FGFR4: variants seen among roughly 807,000 people sequenced by gnomAD.
FGFR4 encodes hydroxyaryl-protein kinase.
Under a neutral mutation model 89.9 loss-of-function variants are expected in FGFR4, and 63 were observed. That is an observed-to-expected ratio of 0.70 (90% CI 0.57 to 0.86). FGFR4 has a LOEUF of 0.86. FGFR4 is among the 40% of genes least tolerant of loss of function. FGFR4 has a pLI of 0.00. For missense variants in FGFR4, 928 were observed against 1,106.7 expected, an observed-to-expected ratio of 0.84 and a Z score of 2.29; for synonymous variants, 486 against 479.4, an observed-to-expected ratio of 1.01 and a Z score of -0.18.
At chr5:177,092,586 T>C in intron 7 of FGFR4, 60 bp from the exon 8 acceptor site, 1 of 1,571,340 alleles carries the variant, frequency 6.4e-7, no homozygotes, top group Admixed American at 1.7e-5. Context: ...CCAGCTTCCC[T>C]GTTGGCCACA....
At position 177,092,525 on chromosome 5, in the gene FGFR4, C is replaced by G. The variant is rs1470026892; in HGVS notation, c.918+14C>G. Reference sequence around the variant, plus strand: ...CAAGTCCTAAAGGTAAAAGGTGCACCCTGCTGCAGCCTGGGCCCCATTCTT... The same window carrying G: ...CAAGTCCTAAAGGTAAAAGGTGCACGCTGCTGCAGCCTGGGCCCCATTCTT... On this transcript the variant is annotated intron_variant, in intron 7 of 17. Transcript: ENST00000292408. 3.2e-6 allele frequency: 5 copies of G among 1,560,964 alleles called. No individual in the cohort carries two copies. The highest frequency in any genetic ancestry group is 1.2e-5 in the South Asian group (1 of 84,988).
Position 177,097,843 on chromosome 5 carries a change from C to T in FGFR4, c.*167C>T, listed in dbSNP as rs555817808. The T allele has an allele frequency of 1.3e-4, 100 of 750,958 alleles. No individual in the cohort carries two copies. Among genetic ancestry groups the T allele is most frequent in the Admixed American group, 3.1e-4 (10 of 32,194 alleles). The allele number at this position is 750,958 out of a possible 1,614,324, so 46.5% of individuals were successfully genotyped here. On this transcript the variant is annotated 3_prime_UTR_variant, in exon 18 of 18. Transcript: ENST00000292408. ...GCCCTTGGAGCTGCCGTGCCTGTGTCCTGATGGCCCAAATGTCAGGGTTCT... is the reference window on the plus strand; with the variant it reads ...GCCCTTGGAGCTGCCGTGCCTGTGTTCTGATGGCCCAAATGTCAGGGTTCT...
intron 16 of FGFR4, among the ~76,000 whole-genome samples, chr5:177,096,982 T>TCTCTTCCTCCTCCTC (rs745732474): frequency 2.5e-4 from 1 of 3,930 alleles, no homozygotes; most frequent in African/African-American, 1.0e-3. Context: ...TCCTCCTCCT[T>TCTCTTCCTCCTCCTC]CTCTTCCTCC....
Position 177,095,320 on chromosome 5 carries a change from G to C in FGFR4, c.1520-10G>C, listed in dbSNP as rs559327285. 6.8e-6 allele frequency: 11 copies of C among 1,612,904 alleles called. No homozygotes were observed. In the South Asian group the frequency reaches 9.9e-5, roughly 14 times the overall value. ...GGGCAGCCTCTTCACCCCGTCTGCT[G>C]CCCTTACAGACAACGCCTCTGACAA... On this transcript the variant is annotated splice_polypyrimidine_tract_variant and intron_variant, in intron 11 of 17. Transcript: ENST00000292408. This position sits in a 1 kb window ranked among gnomAD's most constrained non-coding sequence, Gnocchi z 5.7.
chr5:177,094,850 C>T lies in FGFR4; in HGVS notation c.1520-480C>T, dbSNP rs3135927. The T allele has an allele frequency of 4.0e-3, 715 of 177,476 alleles. 10 individuals are homozygous for T. Among genetic ancestry groups the T allele is most frequent in the African/African-American group, 0.013 (563 of 42,492 alleles). The allele number at this position is 177,476 out of a possible 1,614,324, so 11.0% of individuals were successfully genotyped here. A position where few individuals can be genotyped will look rare whatever the true frequency, so the allele number is the denominator to read the frequency against. On this transcript the variant is annotated intron_variant, in intron 11 of 17. Transcript: ENST00000292408. ...AAAGCAGCCTTCTTCCCAAGCTCCC[C>T]GGCTGCACCCGGCCTGCCGCCAGCT... is the stretch of plus-strand genomic sequence containing the variant.
intron 2 of FGFR4, 26 bp from the exon 3 acceptor site, chr5:177,090,364 T>C: frequency 6.3e-7 from 1 of 1,599,796 alleles, no homozygotes; most frequent in Non-Finnish European, 8.5e-7. Flanking sequence ...CTGCGGGGTC[T>C]GCTGACCTCT....
At position 177,097,731 on chromosome 5, in the gene FGFR4, C is replaced by T. The variant is rs954000822; in HGVS notation, c.*55C>T. 5 of 1,583,526 alleles carry T rather than the reference C, an allele frequency of 3.2e-6. No individual in the cohort carries two copies. The African/African-American group carries it at 5.4e-5, about 17-fold the overall frequency. ...GCTGGTGGCCTTGGGCCTTGGGGCT[C>T]AGCCACAGCCTGACACAGTGCTCGA... On this transcript the variant is annotated 3_prime_UTR_variant, in exon 18 of 18. Transcript: ENST00000292408.
chr5:177,093,183 C>T lies in FGFR4; in HGVS notation c.1103C>T (p.Thr368Met), dbSNP rs770529969. ...GCAGCAGCGCCCGAGGCCAGGTATACGGACATCATCCTGTACGCGTCGGGC... is the reference window on the plus strand; with the variant it reads ...GCAGCAGCGCCCGAGGCCAGGTATATGGACATCATCCTGTACGCGTCGGGC... ...WTAAAPEARY[T>M]DIILYASGSL... Residue 368 changes from threonine (T) to methionine (M), a missense_variant, in exon 9 of 18, where the codon ACG becomes ATG. Physicochemically the swap from Thr to Met is moderately conservative, Grantham distance 81 (BLOSUM62 -1). This residue lies in a region of FGFR4 where 741 missense variants were observed against 836.9 expected (regional missense o/e 0.89). Transcript: ENST00000292408. This position sits in a 1 kb window ranked among gnomAD's most constrained non-coding sequence, Gnocchi z 5.8. The T allele has an allele frequency of 1.5e-5, 24 of 1,613,920 alleles. No individual in the cohort carries two copies. Among genetic ancestry groups the T allele is most frequent in the South Asian group, 1.2e-4 (11 of 91,090 alleles).
rs371514626 is a variant in FGFR4 at position 177,095,325 on chromosome 5, T to A, written c.1520-5T>A. 3.3e-5 allele frequency: 53 copies of A among 1,613,644 alleles called. No individual in the cohort carries two copies. The highest frequency in any genetic ancestry group is 4.2e-5 in the Non-Finnish European group (50 of 1,179,692). On this transcript the variant is annotated splice_region_variant and splice_polypyrimidine_tract_variant and intron_variant, in intron 11 of 17. Coordinates refer to ENST00000292408, the MANE Select transcript of FGFR4 (RefSeq NM_213647.3). This position sits in a 1 kb window ranked among gnomAD's most constrained non-coding sequence, Gnocchi z 5.7. ...GCCTCTTCACCCCGTCTGCTGCCCT[T>A]ACAGACAACGCCTCTGACAAGGACC... is the stretch of plus-strand genomic sequence containing the variant.
intron 1 of FGFR4, among the ~76,000 whole-genome samples, chr5:177,089,038 A>G (rs1456250369): frequency 1.3e-5 from 2 of 152,126 alleles, no homozygotes; most frequent in African/African-American, 4.8e-5. Context: ...CCTGCTTGCC[A>G]CGGAAGGGGC....
chr5:177,090,098 TTGTG>T (rs745763878), intron 2 of FGFR4: 4 of 643,082 alleles, frequency 6.2e-6, no homozygotes, highest in South Asian at 1.6e-5. Context: ...AGCATGTGCC[TTGTG>T]TGTGTGTGTG....
In FGFR4 at chr5:177,097,850, G is replaced by A; in HGVS notation, c.*174G>A. The A allele has an allele frequency of 1.4e-6, 1 of 715,062 alleles. No individual in the cohort carries two copies. The highest frequency in any genetic ancestry group is 2.1e-6 in the Non-Finnish European group (1 of 465,742). 44.3% of individuals were successfully genotyped at this position (715,062 alleles called of 1,614,324 possible). A position where few individuals can be genotyped will look rare whatever the true frequency, so the allele number is the denominator to read the frequency against. ...GAGCTGCCGTGCCTGTGTCCTGATG[G>A]CCCAAATGTCAGGGTTCTGCTCGGC... On this transcript the variant is annotated 3_prime_UTR_variant, in exon 18 of 18. Coordinates refer to ENST00000292408, the MANE Select transcript of FGFR4 (RefSeq NM_213647.3).
rs1214881326 is a variant in FGFR4 at position 177,093,274 on chromosome 5, G to A, written c.1194G>A (p.Arg398=). The A allele has an allele frequency of 1.2e-6, 2 of 1,612,592 alleles. No individual in the cohort carries two copies. Among genetic ancestry groups the A allele is most frequent in the East Asian group, 2.2e-5 (1 of 44,854 alleles). Residue 398 remains arginine, a synonymous_variant, in exon 9 of 18, where the codon CGG becomes CGA. Coordinates refer to ENST00000292408, the MANE Select transcript of FGFR4 (RefSeq NM_213647.3). This position sits in a 1 kb window ranked among gnomAD's most constrained non-coding sequence, Gnocchi z 5.8. ...GLYRGQALHG[R]HPRPPATVQK... is the part of the protein sequence containing the mutation. ...ATCGAGGGCAGGCGCTCCACGGCCG[G>A]CACCCCCGCCCGCCCGCCACTGTGC... is the stretch of plus-strand genomic sequence containing the variant.
At chr5:177,096,228 C>G (rs747444706) in intron 14 of FGFR4, 49 bp downstream of exon 14, 1 of 1,612,912 alleles carries the variant, frequency 6.2e-7, no homozygotes, top group South Asian at 1.1e-5. Flanking sequence ...GCACTGGGCC[C>G]GGGGTGGCAG....
At position 177,097,584 on chromosome 5, in the gene FGFR4, A is replaced by G; in HGVS notation, c.2317A>G (p.Ser773Gly). 1 of 1,614,164 alleles carries G rather than the reference A, an allele frequency of 6.2e-7. No individual in the cohort carries two copies. The highest frequency in any genetic ancestry group is 2.2e-5 in the East Asian group (1 of 44,878). The change falls in exon 18 of 18, where the codon AGC becomes GGC. Residue 773 changes from serine to glycine, a missense_variant. Physicochemically the swap from Ser to Gly is moderately conservative, Grantham distance 56. Transcript: ENST00000292408. ...TTCCCCCTCTGGTGGGGACGCCAGCAGCACCTGCTCCTCCAGCGATTCTGT... is the reference window on the plus strand; with the variant it reads ...TTCCCCCTCTGGTGGGGACGCCAGCGGCACCTGCTCCTCCAGCGATTCTGT... ...PYSPSGGDASSTCSSSDSVFS... is the reference protein window; with the variant it reads ...PYSPSGGDASGTCSSSDSVFS...
At position 177,091,032 on chromosome 5, in the gene FGFR4, C is replaced by A. The variant is rs1187249252; in HGVS notation, c.531C>A (p.Asn177Lys). The change falls in exon 5 of 18, where the codon AAC becomes AAA. Residue 177 changes from asparagine to lysine, a missense_variant. This residue lies in a region of FGFR4 where 741 missense variants were observed against 836.9 expected (regional missense o/e 0.89). Transcript: ENST00000292408. ...TVKFRCPAAGNPTPTIRWLKD... is the reference protein window; with the variant it reads ...TVKFRCPAAGKPTPTIRWLKD... ...AGTTCCGCTGTCCAGCTGCAGGCAA[C>A]CCCACGCCCACCATCCGCTGGCTTA... 1 of 1,612,374 alleles carries A rather than the reference C, an allele frequency of 6.2e-7. No homozygotes were observed. Among genetic ancestry groups the A allele is most frequent in the East Asian group, 2.2e-5 (1 of 44,804 alleles).
intron 5 of FGFR4, 137 bp downstream of exon 5, chr5:177,091,241 G>T (rs1362018717): frequency 2.5e-5 from 27 of 1,094,214 alleles, no homozygotes; most frequent in Non-Finnish European, 3.3e-5. Flanking sequence ...CCTGGACTGT[G>T]GACCTGGGCA....
At position 177,097,882 on chromosome 5, in the gene FGFR4, G is replaced by A; in HGVS notation, c.*206G>A. 1 of 555,628 alleles carries A rather than the reference G, an allele frequency of 1.8e-6. No individual in the cohort carries two copies. The highest frequency in any genetic ancestry group is 3.1e-5 in the East Asian group (1 of 32,468). 34.4% of individuals were successfully genotyped at this position (555,628 alleles called of 1,614,324 possible). On this transcript the variant is annotated 3_prime_UTR_variant, in exon 18 of 18. Transcript: ENST00000292408. ...TGTCAGGGTTCTGCTCGGCTTCTTGGACCTTGGCGCTTAGTCCCCATCCCG... is the reference window on the plus strand; with the variant it reads ...TGTCAGGGTTCTGCTCGGCTTCTTGAACCTTGGCGCTTAGTCCCCATCCCG...
Position 177,087,204 on chromosome 5 carries a change from A to T in FGFR4, c.-54+127A>T, listed in dbSNP as rs952399985. ...GCGTCCGCCGGGCGGCAGGGGGTGG[A>T]GGGGGCGGTAAATCAGTAACCCGCA... On this transcript the variant is annotated intron_variant, in intron 1 of 17. Coordinates refer to ENST00000292408, the MANE Select transcript of FGFR4 (RefSeq NM_213647.3). This position sits in a 1 kb window ranked among gnomAD's most constrained non-coding sequence, Gnocchi z 6.1. 2 of 150,390 alleles carry T rather than the reference A, an allele frequency of 1.3e-5. No individual in the cohort carries two copies. Among genetic ancestry groups the T allele is most frequent in the African/African-American group, 4.9e-5 (2 of 40,674 alleles). 9.3% of individuals were successfully genotyped at this position (150,390 alleles called of 1,614,324 possible).
Sources: gnomAD v4.1 joint callset for allele counts (sites outside exome capture counted in the v4.1 genomes callset) on GRCh38, gnomAD v4.1.1 for gene constraint, gnomAD v4.1.1 regional missense constraint, Gnocchi (gnomAD v3.1) non-coding constraint, MANE v1.5 for transcripts, NCBI Gene and HGNC (gene_info 2026-07-23, HGNC 2026-07-21) for gene names.